The following ANO3 variants were observed in gnomAD, a reference collection of about 807,000 sequenced individuals.
ANO3 encodes the protein anoctamin 3.
A neutral mutation model predicts 144.8 loss-of-function variants in ANO3; 99 were observed. The ratio of observed to expected loss-of-function variants is 0.68; its 90% CI spans 0.58 to 0.81. ANO3 has a LOEUF of 0.81. Among genes scored for constraint, ANO3 ranks in the 30% least tolerant of loss-of-function variants. The pLI, the probability that ANO3 is intolerant of heterozygous loss-of-function variation, is 0.00. For synonymous variants in ANO3, 414 were observed against 392.6 expected, an observed-to-expected ratio of 1.05 and a Z score of -0.64; for missense variants, 905 against 1,202.2, an observed-to-expected ratio of 0.75 and a Z score of 3.66.
At chr11:26,385,516 T>C (rs963277074) in intron 1 of ANO3, among the ~76,000 whole-genome samples, 1 of 152,114 alleles carries the variant, frequency 6.6e-6, no homozygotes, top group Admixed American at 6.6e-5. Context: ...TAGAGGCTGC[T>C]TGCATTCCTG....
chr11:26,603,208 G>A (rs1327968567), intron 17 of ANO3, among the ~76,000 whole-genome samples: 1 of 152,014 alleles, frequency 6.6e-6, no homozygotes. Context: ...AGCATTTACA[G>A]CTATATACAT....
chr11:26,201,273 A>T (rs558682279), intron 1 of ANO3, among the ~76,000 whole-genome samples: 1 of 152,122 alleles, frequency 6.6e-6, no homozygotes, highest in Non-Finnish European at 1.5e-5. Flanking sequence ...CATACACCCC[A>T]TATTATGGGT....
At chr11:26,191,361 CATATA>C (rs1851474590) in intron 1 of ANO3, among the ~76,000 whole-genome samples, 1 of 150,716 alleles carries the variant, frequency 6.6e-6, no homozygotes, top group Admixed American at 6.6e-5. Flanking sequence ...CACACACACA[CATATA>C]TATATTTGAC....
chr11:26,607,905 G>A (rs1255041873), intron 17 of ANO3, among the ~76,000 whole-genome samples: 1 of 152,182 alleles, frequency 6.6e-6, no homozygotes, highest in Non-Finnish European at 1.5e-5. Context: ...AGTGGTGTTT[G>A]TTATTACTCA....
chr11:26,571,383 A>C (rs1590565401), intron 14 of ANO3, among the ~76,000 whole-genome samples: 1 of 152,122 alleles, frequency 6.6e-6, no homozygotes, highest in East Asian at 1.9e-4. Flanking sequence ...AAATTTTACC[A>C]CATTTTCATT....
At chr11:26,205,096 T>C (rs1414950751) in intron 1 of ANO3, among the ~76,000 whole-genome samples, 3 of 152,088 alleles carry the variant, frequency 2.0e-5, no homozygotes, top group Admixed American at 6.6e-5. Flanking sequence ...TCATATCTCA[T>C]GAGAACTCAC....
intron 1 of ANO3, among the ~76,000 whole-genome samples, chr11:26,281,696 TTA>T (rs1420265337): frequency 6.6e-6 from 1 of 152,194 alleles, no homozygotes; most frequent in African/African-American, 2.4e-5. Flanking sequence ...CATGAAATAT[TTA>T]TGTTTATTTA....
intron 10 of ANO3, among the ~76,000 whole-genome samples, chr11:26,541,162 G>T (rs979584763): frequency 6.6e-6 from 1 of 152,158 alleles, no homozygotes; most frequent in Non-Finnish European, 1.5e-5. Context: ...GGATGAAGCT[G>T]GAAACCATCA....
At chr11:26,573,439 T>G (rs1431362264) in intron 14 of ANO3, among the ~76,000 whole-genome samples, 2 of 152,194 alleles carry the variant, frequency 1.3e-5, no homozygotes, top group African/African-American at 2.4e-5. Flanking sequence ...ATTCAATGGC[T>G]TATTTTCAGA....
At chr11:26,574,972 A>C (rs1287631056) in intron 14 of ANO3, among the ~76,000 whole-genome samples, 1 of 152,142 alleles carries the variant, frequency 6.6e-6, no homozygotes, top group African/African-American at 2.4e-5. Flanking sequence ...TCAACTAAAA[A>C]TAACTTTAAA....
intron 1 of ANO3, among the ~76,000 whole-genome samples, chr11:26,243,843 C>A (rs12281738): frequency 6.6e-6 from 1 of 151,814 alleles, no homozygotes; most frequent in African/African-American, 2.4e-5. Flanking sequence ...AAAATGAGGC[C>A]AGGTGCGGTG....
intron 3 of ANO3, among the ~76,000 whole-genome samples, chr11:26,451,550 C>G (rs1858940706): frequency 6.6e-6 from 1 of 152,194 alleles, no homozygotes; most frequent in South Asian, 2.1e-4. Context: ...CCCGCCATTA[C>G]TCAGGCTTGC....
At chr11:26,415,495 A>G (rs1187990547) in intron 1 of ANO3, among the ~76,000 whole-genome samples, 2 of 152,126 alleles carry the variant, frequency 1.3e-5, no homozygotes, top group African/African-American at 4.8e-5. Flanking sequence ...TTATGGTTTC[A>G]GTTTCTGCTA....
intron 18 of ANO3, among the ~76,000 whole-genome samples, chr11:26,625,137 G>A (rs1852540979): frequency 6.6e-6 from 1 of 152,164 alleles, no homozygotes; most frequent in Non-Finnish European, 1.5e-5. Context: ...GTGTTAGCCA[G>A]GATGGACTCA....
chr11:26,301,596 C>A (rs1854234079), intron 1 of ANO3, among the ~76,000 whole-genome samples: 1 of 152,000 alleles, frequency 6.6e-6, no homozygotes, highest in Non-Finnish European at 1.5e-5. Flanking sequence ...TTCTGTCATT[C>A]TATAAACACA....
At chr11:26,451,944 T>C (rs1399044145) in intron 3 of ANO3, among the ~76,000 whole-genome samples, 1 of 152,186 alleles carries the variant, frequency 6.6e-6, no homozygotes, top group Non-Finnish European at 1.5e-5. Flanking sequence ...ACCACTGTTC[T>C]GCAGACACCG....
chr11:26,334,396 G>A (rs1036153529), intron 1 of ANO3, among the ~76,000 whole-genome samples: 2 of 152,206 alleles, frequency 1.3e-5, no homozygotes, highest in East Asian at 1.9e-4. Flanking sequence ...TTCTCTAGAT[G>A]TGATCTGTCC....
chr11:26,642,230 A>G (rs552073089), intron 22 of ANO3, among the ~76,000 whole-genome samples: 3 of 152,212 alleles, frequency 2.0e-5, no homozygotes, highest in African/African-American at 7.2e-5. Flanking sequence ...AGAGTCATGC[A>G]TTGACCAAAA....
chr11:26,598,725 T>G, intron 15 of ANO3, 133 bp from the exon 16 acceptor site: 2 of 839,756 alleles, frequency 2.4e-6, no homozygotes, highest in Non-Finnish European at 3.6e-6. Flanking sequence ...TTGATGTTAT[T>G]TTTAAAAGGT....
Sources: allele counts gnomAD v4.1 joint callset (sites outside exome capture counted in the v4.1 genomes callset), GRCh38; gene constraint gnomAD v4.1.1; transcripts MANE v1.5; gene names NCBI Gene and HGNC (gene_info 2026-07-23, HGNC 2026-07-21).